DLGAP2: variants seen among roughly 807,000 people sequenced by gnomAD.
DLGAP2 encodes the protein disks large-associated protein 2.
DLGAP2 carries 26 observed loss-of-function variants against 100.3 expected under a neutral mutation model. The ratio of observed to expected loss-of-function variants is 0.26; its 90% CI spans 0.19 to 0.36. The LOEUF is 0.36. Ranked by LOEUF, DLGAP2 falls within the 10% of genes least tolerant of loss-of-function variation. The pLI, the probability that DLGAP2 is intolerant of heterozygous loss-of-function variation, is 1.00. For missense variants in DLGAP2, 1,858 were observed against 1,453.2 expected, an observed-to-expected ratio of 1.28 and a Z score of -4.53; for synonymous variants, 886 against 630.1, an observed-to-expected ratio of 1.41 and a Z score of -6.08.
chr8:1,391,552 G>C (rs1366211010), intron 3 of DLGAP2, among the ~76,000 whole-genome samples: 1 of 152,170 alleles, frequency 6.6e-6, no homozygotes, highest in Non-Finnish European at 1.5e-5. Context: ...ATCAGTTGGA[G>C]CGCTACCAGC....
intron 1 of DLGAP2, among the ~76,000 whole-genome samples, chr8:787,516 C>T (rs1326438235): frequency 1.3e-5 from 2 of 152,236 alleles, no homozygotes; most frequent in African/African-American, 2.4e-5. Flanking sequence ...TTCCATGGAC[C>T]ACTCAGGATG....
intron 2 of DLGAP2, among the ~76,000 whole-genome samples, chr8:1,194,774 C>T (rs537177086): frequency 1.1e-4 from 16 of 152,320 alleles, no homozygotes; most frequent in African/African-American, 3.6e-4. Flanking sequence ...TTGGAACCCT[C>T]TGTTCCCTAC....
At position 1,676,541 on chromosome 8, in the gene DLGAP2, G is replaced by A. The variant is rs567157430; in HGVS notation, c.2211G>A (p.Thr737=). 83 of 1,613,154 alleles carry A rather than the reference G, an allele frequency of 5.1e-5. No individual in the cohort carries two copies. The highest frequency in any genetic ancestry group is 3.5e-4 in the South Asian group (32 of 90,816). The change falls in exon 11 of 15, where the codon ACG becomes ACA. Residue 737 remains threonine (T), a synonymous_variant. Transcript: ENST00000637795. The part of the protein sequence containing the change: ...HQPYPRSDVE[T]ATDSDTESRG... ...GTTCTCTGTTGAATTAGGTGGAAACGGCCACAGATTCTGACACGGAGAGCC... is the reference window on the plus strand; with the variant it reads ...GTTCTCTGTTGAATTAGGTGGAAACAGCCACAGATTCTGACACGGAGAGCC...
chr8:1,350,856 GAC>G (rs1801703597), intron 3 of DLGAP2, among the ~76,000 whole-genome samples: 2 of 69,868 alleles, frequency 2.9e-5, no homozygotes, highest in African/African-American at 4.7e-5. Context: ...TGCGGGTCCT[GAC>G]AGTGTGTGGA....
chr8:1,229,654 C>T (rs1798493254), intron 2 of DLGAP2, among the ~76,000 whole-genome samples: 1 of 152,114 alleles, frequency 6.6e-6, no homozygotes, highest in South Asian at 2.1e-4. Flanking sequence ...AACAGCACAT[C>T]AACAAGTTAA....
intron 3 of DLGAP2, among the ~76,000 whole-genome samples, chr8:1,302,865 C>T (rs1300351655): frequency 6.6e-6 from 1 of 152,248 alleles, no homozygotes; most frequent in Non-Finnish European, 1.5e-5. Flanking sequence ...CTGCTGTTCA[C>T]AGCGCTTAGG....
intron 1 of DLGAP2, among the ~76,000 whole-genome samples, chr8:870,618 C>T (rs921662394): frequency 1.3e-5 from 2 of 152,150 alleles, no homozygotes; most frequent in African/African-American, 2.4e-5. Flanking sequence ...CAGCCTCATT[C>T]TTTTGGTTTT....
At chr8:1,327,255 C>G (rs1338086930) in intron 3 of DLGAP2, among the ~76,000 whole-genome samples, 1 of 152,234 alleles carries the variant, frequency 6.6e-6, no homozygotes, top group African/African-American at 2.4e-5. Flanking sequence ...AACCAGGGTC[C>G]CTTGGCCAAG....
intron 2 of DLGAP2, among the ~76,000 whole-genome samples, chr8:1,101,482 C>G (rs1024364487): frequency 6.6e-6 from 1 of 152,180 alleles, no homozygotes; most frequent in Non-Finnish European, 1.5e-5. Context: ...CACCCAGAGT[C>G]TGCAGATTCA....
At chr8:750,241 C>T (rs1220751531) in intron 1 of DLGAP2, among the ~76,000 whole-genome samples, 3 of 152,216 alleles carry the variant, frequency 2.0e-5, no homozygotes, top group Non-Finnish European at 1.5e-5. Flanking sequence ...TGGCACCACC[C>T]GTGGGCACTG....
At chr8:1,140,473 G>A (rs1389606520) in intron 2 of DLGAP2, among the ~76,000 whole-genome samples, 1 of 152,140 alleles carries the variant, frequency 6.6e-6, no homozygotes, top group Non-Finnish European at 1.5e-5. Flanking sequence ...GCCCTTCGGA[G>A]GCCCCTGGGT....
At chr8:1,512,322 T>C (rs1474768908) in intron 4 of DLGAP2, among the ~76,000 whole-genome samples, 1 of 152,124 alleles carries the variant, frequency 6.6e-6, no homozygotes, top group Admixed American at 6.5e-5. Flanking sequence ...GACAACATGA[T>C]CAAAGTTGTT....
At position 1,330,045 on chromosome 8, in the gene DLGAP2, C is replaced by T. The variant is rs977695327; in HGVS notation, c.106+71162C>T. Among the ~76,000 whole-genome samples, 4 of 152,216 alleles carry T rather than the reference C, an allele frequency of 2.6e-5. No homozygotes were observed. The East Asian group carries it at 7.7e-4, about 29-fold the overall frequency. On this transcript the variant is annotated intron_variant, in intron 3 of 14. Coordinates refer to ENST00000637795, the MANE Select transcript of DLGAP2 (RefSeq NM_001346810.2). ...ACGGATGTCCATTAAAGTGGCTTTG[C>T]TCCATTTCCCATGTTTGTGGTGGGT...
chr8:1,154,693 C>T (rs1043084038), intron 2 of DLGAP2, among the ~76,000 whole-genome samples: 5 of 152,180 alleles, frequency 3.3e-5, no homozygotes, highest in African/African-American at 1.2e-4. Flanking sequence ...CAGGCCCCTC[C>T]GCAGTCGAGG....
At chr8:1,084,483 C>G (rs1356583487) in intron 2 of DLGAP2, among the ~76,000 whole-genome samples, 2 of 152,174 alleles carry the variant, frequency 1.3e-5, no homozygotes, top group Admixed American at 6.5e-5. Flanking sequence ...TAGAGACAGA[C>G]TTGCCCTCCT....
At chr8:1,516,939 T>A (rs1800413690) in intron 4 of DLGAP2, among the ~76,000 whole-genome samples, 1 of 152,112 alleles carries the variant, frequency 6.6e-6, no homozygotes, top group Non-Finnish European at 1.5e-5. Flanking sequence ...ATAAAATACA[T>A]AAAAAATGAA....
chr8:1,630,908 G>A (rs1797625398), intron 7 of DLGAP2, among the ~76,000 whole-genome samples: 2 of 138,568 alleles, frequency 1.4e-5, no homozygotes, highest in Admixed American at 6.8e-5. Flanking sequence ...TGTCCCGAGG[G>A]TCTGGGCGGG....
chr8:1,540,481 G>A (rs1801324860), intron 4 of DLGAP2, among the ~76,000 whole-genome samples: 1 of 152,174 alleles, frequency 6.6e-6, no homozygotes, highest in African/African-American at 2.4e-5. Context: ...TCATACCACA[G>A]AAGATCTATC....
chr8:1,454,004 C>A (rs1798235783), intron 3 of DLGAP2, among the ~76,000 whole-genome samples: 1 of 152,190 alleles, frequency 6.6e-6, no homozygotes, highest in Non-Finnish European at 1.5e-5. Flanking sequence ...TGGCCTCCTG[C>A]CAGGCAGTGG....
Sources: gnomAD v4.1 joint callset for allele counts (sites outside exome capture counted in the v4.1 genomes callset) on GRCh38, gnomAD v4.1.1 for gene constraint, MANE v1.5 for transcripts, NCBI Gene and HGNC (gene_info 2026-07-23, HGNC 2026-07-21) for gene names.